XKR5: variants seen among roughly 807,000 people sequenced by gnomAD.
XKR5 encodes XK related 5.
A neutral mutation model predicts 40.8 loss-of-function variants in XKR5; 46 were observed. That is an observed-to-expected ratio of 1.13 (90% CI 0.89 to 1.44). The LOEUF is 1.44. Ranked by LOEUF, XKR5 falls within the 40% of genes most tolerant of loss-of-function variation. The pLI is 0.00. For synonymous variants in XKR5, 466 were observed against 356.1 expected, an observed-to-expected ratio of 1.31 and a Z score of -3.48; for missense variants, 1,169 against 844.7, an observed-to-expected ratio of 1.38 and a Z score of -4.76.
intron 5 of XKR5, among the ~76,000 whole-genome samples, chr8:6,817,259 C>A (rs1302662116): frequency 1.3e-5 from 2 of 152,166 alleles, no homozygotes; most frequent in Non-Finnish European, 2.9e-5. Flanking sequence ...CTTGAAACAG[C>A]CCCACCTTAA....
At chr8:6,831,827 A>G (rs1173529872) in intron 2 of XKR5, among the ~76,000 whole-genome samples, 1 of 152,116 alleles carries the variant, frequency 6.6e-6, no homozygotes, top group African/African-American at 2.4e-5. Flanking sequence ...GATGCTGGCT[A>G]ACCCAGTGAA....
intron 4 of XKR5, 61 bp from the exon 5 acceptor site, chr8:6,822,099 G>A (rs1804267849): frequency 1.3e-6 from 2 of 1,497,296 alleles, no homozygotes; most frequent in Admixed American, 2.1e-5. Flanking sequence ...GACAGGCAAG[G>A]ACACAGAGAC....
rs370909702 is a variant in XKR5, at chr8:6,823,627, G to A, written c.531C>T (p.Ala177=). The change falls in exon 4 of 7, where the codon GCC becomes GCT. Residue 177 remains alanine, a synonymous_variant. Coordinates refer to ENST00000618742, the MANE Select transcript of XKR5 (RefSeq NM_207411.5). Reference sequence around the variant, plus strand: ...TCCAGAGCTGCTGGCAGAAGAGGGCGGCCCATGGCATGGCCAGGTGGCCTG... The same window carrying A: ...TCCAGAGCTGCTGGCAGAAGAGGGCAGCCCATGGCATGGCCAGGTGGCCTG... ...MKPGHLAMPW[A]ALFCQQLWRM... is the part of the protein sequence containing the mutation. 333 of 1,593,708 alleles carry A rather than the reference G, an allele frequency of 2.1e-4. 1 individual carries two copies. The highest frequency in any genetic ancestry group is 1.2e-3 in the Admixed American group (67 of 57,040).
At chr8:6,831,251 C>T (rs1042883946) in intron 2 of XKR5, among the ~76,000 whole-genome samples, 1 of 152,166 alleles carries the variant, frequency 6.6e-6, no homozygotes, top group Non-Finnish European at 1.5e-5. Flanking sequence ...CCTATGAGGC[C>T]CTCCGAAAGA....
At position 6,810,968 on chromosome 8, in the gene XKR5, T is replaced by C; in HGVS notation, c.*230A>G. The C allele has an allele frequency of 2.4e-6, 1 of 413,944 alleles. No individual in the cohort carries two copies. The highest frequency in any genetic ancestry group is 3.8e-5 in the East Asian group (1 of 26,210). The allele number at this position is 413,944 out of a possible 1,614,324, so 25.6% of individuals were successfully genotyped here. A position where few individuals can be genotyped will look rare whatever the true frequency, so the allele number is the denominator to read the frequency against. On this transcript the variant is annotated 3_prime_UTR_variant, in exon 7 of 7. Transcript: ENST00000618742. ...TGACTGGAATCTCTTTCTCCTCCTC[T>C]AAAGTATGTTAGAGTCTCTCCTATG...
intron 4 of XKR5, among the ~76,000 whole-genome samples, chr8:6,822,762 T>C (rs757423429): frequency 1.3e-5 from 2 of 152,206 alleles, no homozygotes; most frequent in African/African-American, 2.4e-5. Context: ...CAGAGCCAGA[T>C]AGACTCTCTG....
At chr8:6,830,436 T>C (rs1278012783) in intron 2 of XKR5, among the ~76,000 whole-genome samples, 1 of 152,222 alleles carries the variant, frequency 6.6e-6, no homozygotes, top group Non-Finnish European at 1.5e-5. Flanking sequence ...CTTTCCTCTA[T>C]GGAAGTAAAT....
Position 6,823,533 on chromosome 8 carries a change from A to T in XKR5, c.625T>A (p.Phe209Ile), listed in dbSNP as rs972936555. The change falls in exon 4 of 7, where the codon TTT (phenylalanine) becomes ATT (isoleucine). Residue 209 changes from phenylalanine to isoleucine, a missense_variant. Coordinates refer to ENST00000618742, the MANE Select transcript of XKR5 (RefSeq NM_207411.5). ...LFYKAYHFWV[F>I]VVAGAHWLVM... ...TAGCTCAGCTCACCTGCAACCACAA[A>T]AACCCAAAAGTGGTAGGCTTTGTAG... The T allele has an allele frequency of 6.3e-7, 1 of 1,588,110 alleles. No homozygotes were observed. The highest frequency in any genetic ancestry group is 1.3e-5 in the African/African-American group (1 of 74,466).
Position 6,835,473 on chromosome 8 carries a change from C to T in XKR5, c.21G>A (p.Gly7=), listed in dbSNP as rs1291792369. The T allele has an allele frequency of 2.0e-6, 3 of 1,502,458 alleles. No individual in the cohort carries two copies. The highest frequency in any genetic ancestry group is 2.1e-5 in the Admixed American group (1 of 47,132). The allele number at this position is 1,502,458 out of a possible 1,614,324, so 93.1% of individuals were successfully genotyped here. MHARLL[G]LSALLQAAEQ... ...CGGCCGCCTGCAGCAGGGCCGAGAGCCCCAGGAGCCTCGCGTGCATCTTCC... is the reference window on the plus strand; with the variant it reads ...CGGCCGCCTGCAGCAGGGCCGAGAGTCCCAGGAGCCTCGCGTGCATCTTCC... Residue 7 remains glycine (G), a synonymous_variant, in exon 1 of 7, where the codon GGG becomes GGA. Transcript: ENST00000618742.
intron 1 of XKR5, among the ~76,000 whole-genome samples, chr8:6,833,675 C>G (rs1398700268): frequency 6.6e-6 from 1 of 152,160 alleles, no homozygotes; most frequent in Non-Finnish European, 1.5e-5. Flanking sequence ...GAGATTGGGC[C>G]ACTGCATTCC....
rs371816592 is a variant in XKR5, at chr8:6,822,004, G to A, written c.672C>T (p.Val224=). The change falls in exon 5 of 7, where the codon GTC becomes GTT. Residue 224 remains valine, a synonymous_variant. Coordinates refer to ENST00000618742, the MANE Select transcript of XKR5 (RefSeq NM_207411.5). Reference sequence around the variant, plus strand: ...TGTCGATGATGTCACTCTGCTGGGCGACAAGCCAGAATGTCATCACCAGCC... The same window carrying A: ...TGTCGATGATGTCACTCTGCTGGGCAACAAGCCAGAATGTCATCACCAGCC... ...AHWLVMTFWL[V]AQQSDIIDST... 36 of 1,604,954 alleles carry A rather than the reference G, an allele frequency of 2.2e-5. No homozygotes were observed. Among genetic ancestry groups the A allele is most frequent in the Middle Eastern group, 1.7e-4 (1 of 6,060 alleles).
At chr8:6,827,750 AT>A (rs1293916224) in intron 2 of XKR5, among the ~76,000 whole-genome samples, 1 of 152,136 alleles carries the variant, frequency 6.6e-6, no homozygotes, top group African/African-American at 2.4e-5. Flanking sequence ...TTCAACATGC[AT>A]TTTTCTTGGG....
rs1170037817 is a variant in XKR5, at chr8:6,809,648, C to G, written c.*1550G>C. On this transcript the variant is annotated 3_prime_UTR_variant, in exon 7 of 7. Transcript: ENST00000618742. ...GTTTGTAGCCACTTGTCTGCATCCC[C>G]GATTGGCTTATGTGGCTGGCCAGGA... The G allele has an allele frequency of 6.6e-6, 1 of 152,214 alleles. No individual in the cohort carries two copies. The highest frequency in any genetic ancestry group is 1.5e-5 in the Non-Finnish European group (1 of 68,052). The allele number at this position is 152,214 out of a possible 1,614,324, so 9.4% of individuals were successfully genotyped here.
intron 5 of XKR5, among the ~76,000 whole-genome samples, chr8:6,820,234 C>G (rs1804171385): frequency 6.6e-6 from 1 of 152,268 alleles, no homozygotes; most frequent in Non-Finnish European, 1.5e-5. Context: ...CTGGATGGGT[C>G]TGTGCACAGC....
At chr8:6,832,601 C>T in intron 2 of XKR5, 116 bp downstream of exon 2, 1 of 1,369,290 alleles carries the variant, frequency 7.3e-7, no homozygotes, top group Non-Finnish European at 1.0e-6. Flanking sequence ...CGCTTTGAAC[C>T]TCTTCCCAAT....
At position 6,811,998 on chromosome 8, in the gene XKR5, T is replaced by C; in HGVS notation, c.1261A>G (p.Asn421Asp). 6.5e-7 allele frequency: 1 copy of C among 1,537,344 alleles called. No individual in the cohort carries two copies. The highest frequency in any genetic ancestry group is 1.4e-5 in the African/African-American group (1 of 73,190). ...ALKTGNVSKI[N>D]AAFGDNSPAY... ...GGACTGTTATCTCCAAAGGCGGCAT[T>C]GATCTTAGACACATTTCCTGTTTTT... The change falls in exon 7 of 7, where the codon AAT (asparagine) becomes GAT (aspartate). Residue 421 changes from asparagine to aspartate, a missense_variant. By Grantham distance (23) the Asn-to-Asp change is conservative. Transcript: ENST00000618742.
intron 5 of XKR5, among the ~76,000 whole-genome samples, chr8:6,819,543 A>T (rs550403286): frequency 1.1e-4 from 17 of 152,270 alleles, no homozygotes; most frequent in African/African-American, 4.1e-4. Flanking sequence ...TCACACTCTG[A>T]ATGGCCCGTG....
rs767089173 is a variant in XKR5, at chr8:6,811,927, C to T, written c.1332G>A (p.Leu444=). The T allele has an allele frequency of 2.6e-6, 4 of 1,537,376 alleles. No homozygotes were observed. The highest frequency in any genetic ancestry group is 3.5e-6 in the Non-Finnish European group (4 of 1,146,928). ...PAWGLSQQDY[L]QRKALSAQQE... is the part of the protein sequence containing the mutation. ...GCTGGGCAGACAAGGCCTTTCTCTG[C>T]AGGTAGTCCTGTTGACTCAACCCCC... Residue 444 remains leucine, a synonymous_variant, in exon 7 of 7, where the codon CTG becomes CTA. Transcript: ENST00000618742.
chr8:6,826,695 G>A (rs1260579134), intron 2 of XKR5, among the ~76,000 whole-genome samples: 1 of 152,166 alleles, frequency 6.6e-6, no homozygotes, highest in Non-Finnish European at 1.5e-5. Context: ...GACCAGTTGT[G>A]GTTGAGGGAC....
Sources: gnomAD v4.1 joint callset for allele counts (sites outside exome capture counted in the v4.1 genomes callset) on GRCh38, gnomAD v4.1.1 for gene constraint, MANE v1.5 for transcripts, NCBI Gene and HGNC (gene_info 2026-07-23, HGNC 2026-07-21) for gene names.